The following ABR variants were observed in gnomAD, a reference collection of about 807,000 sequenced individuals.
ABR encodes the protein active breakpoint cluster region-related protein.
In ABR, 35 loss-of-function variants were observed where a neutral mutation model predicts 107.2. The ratio of observed to expected loss-of-function variants is 0.33; its 90% CI spans 0.25 to 0.43. The LOEUF (loss-of-function observed/expected upper bound fraction) is 0.43, where lower values mean the gene tolerates loss of function less well. ABR is among the 20% of genes least tolerant of loss of function. The pLI is 1.00. For missense variants in ABR, 815 were observed against 1,115.2 expected (o/e 0.73, Z 3.83); for synonymous variants, 498 against 462.0 (o/e 1.08, Z -1.00).
chr17:1,008,557 A>G (rs978061865), intron 21 of ABR, among the ~76,000 whole-genome samples: 2 of 152,224 alleles, frequency 1.3e-5, no homozygotes, highest in Non-Finnish European at 2.9e-5. Context: ...AAGGCTTGCC[A>G]AATGCTTTCG....
intron 1 of ABR, among the ~76,000 whole-genome samples, chr17:1,162,368 G>A (rs898781977): frequency 3.3e-5 from 5 of 152,202 alleles, no homozygotes; most frequent in Admixed American, 2.0e-4. Flanking sequence ...CTGGTTTCCT[G>A]GCGTGGGCCC....
At chr17:1,041,300 T>C (rs112853207) in intron 16 of ABR, among the ~76,000 whole-genome samples, 1 of 152,224 alleles carries the variant, frequency 6.6e-6, no homozygotes, top group East Asian at 1.9e-4. Flanking sequence ...ATTCAGAGGA[T>C]GTATCGTAAA....
chr17:1,178,519 G>A (rs1406733078), intron 1 of ABR, among the ~76,000 whole-genome samples: 2 of 151,036 alleles, frequency 1.3e-5, no homozygotes, highest in Non-Finnish European at 2.9e-5. Flanking sequence ...AGCGGAGATT[G>A]CGCCACTGCA....
chr17:1,169,491 G>C (rs1192598490), intron 1 of ABR, among the ~76,000 whole-genome samples: 4 of 152,202 alleles, frequency 2.6e-5, no homozygotes, highest in African/African-American at 7.2e-5. Flanking sequence ...CCAGAATCCA[G>C]AGCTACAGAA....
At position 1,078,988 on chromosome 17, in the gene ABR, C is replaced by T. The variant is rs561882539; in HGVS notation, c.700+342G>A. On this transcript the variant is annotated intron_variant, in intron 6 of 22. Transcript: ENST00000302538. This position sits in a 1 kb window ranked among gnomAD's most constrained non-coding sequence, Gnocchi z 7.5. ...GGACTCCAGCATCGGGCAGCCGCTC[C>T]GGAGTGCTCTTCCAGCAAGGGGGAG... is the stretch of plus-strand genomic sequence containing the variant. The T allele has an allele frequency of 1.1e-4, 140 of 1,308,176 alleles. No individual in the cohort carries two copies. In the South Asian group the frequency reaches 1.6e-3, roughly 15 times the overall value. 81.0% of individuals were successfully genotyped at this position (1,308,176 alleles called of 1,614,324 possible).
rs113482917 is a variant in ABR at position 1,124,036 on chromosome 17, C to T, written c.246+1147G>A. 3.9e-5 allele frequency among the ~76,000 whole-genome samples: 6 copies of T among 152,268 alleles called. 1 individual carries two copies. Among genetic ancestry groups the T allele is most frequent in the African/African-American group, 1.4e-4 (6 of 41,550 alleles). ...CCTGGACTGCCGCTAAACTCGGCCT[C>T]GGCCTCTGTTGCCATGGCAGCAATG... On this transcript the variant is annotated intron_variant, in intron 2 of 22. Transcript: ENST00000302538.
chr17:1,029,306 C>T (rs1302559033), intron 16 of ABR, among the ~76,000 whole-genome samples: 1 of 151,610 alleles, frequency 6.6e-6, no homozygotes, highest in Admixed American at 6.6e-5. Context: ...AGCCCAACCA[C>T]AGGGACCCCC....
intron 1 of ABR, among the ~76,000 whole-genome samples, chr17:1,178,239 C>A (rs1196972507): frequency 6.6e-6 from 1 of 151,958 alleles, no homozygotes; most frequent in Non-Finnish European, 1.5e-5. Flanking sequence ...CCCCACCCCC[C>A]CCATATGACT....
At chr17:1,073,599 TG>T in intron 7 of ABR, 25 bp downstream of exon 7, 2 of 1,545,338 alleles carry the variant, frequency 1.3e-6, no homozygotes, top group Non-Finnish European at 1.8e-6. Flanking sequence ...AAGCCCTCTC[TG>T]GCCATTCGGA....
chr17:1,012,437 T>C (rs1349377370), intron 18 of ABR: 2 of 687,080 alleles, frequency 2.9e-6, no homozygotes, highest in South Asian at 1.5e-5. Flanking sequence ...TTCCCGCTTG[T>C]TACGAGGAGC....
chr17:1,216,046 G>T (rs915873728), intron 1 of ABR, among the ~76,000 whole-genome samples: 186 of 150,152 alleles, frequency 1.2e-3, no homozygotes, highest in African/African-American at 2.4e-3. Flanking sequence ...GCGGAAGGCC[G>T]CAGGGTCCTC....
At chr17:1,139,806 A>G (rs2040220487) in intron 1 of ABR, among the ~76,000 whole-genome samples, 1 of 152,128 alleles carries the variant, frequency 6.6e-6, no homozygotes. Context: ...ACAAATACCA[A>G]ACACGAAGTG....
intron 10 of ABR, among the ~76,000 whole-genome samples, chr17:1,063,381 A>C (rs1487682312): frequency 1.8e-4 from 26 of 143,190 alleles, no homozygotes; most frequent in African/African-American, 6.2e-4. Flanking sequence ...ATGTTCCTCT[A>C]GACACTGCTG....
At chr17:1,109,131 G>C in intron 2 of ABR, 1 of 1,524,132 alleles carries the variant, frequency 6.6e-7, no homozygotes, top group Non-Finnish European at 8.8e-7. Context: ...GCGGGAGGAG[G>C]GAGGAGGGAG....
chr17:1,021,770 A>G (rs1205604445), intron 16 of ABR, among the ~76,000 whole-genome samples: 2 of 148,406 alleles, frequency 1.3e-5, no homozygotes, highest in African/African-American at 2.5e-5. Flanking sequence ...AGATTGTGCC[A>G]CTGCACTCCA....
At chr17:1,012,139 G>A (rs778645366) in intron 18 of ABR, 154 bp from the exon 19 acceptor site, 50 of 1,222,964 alleles carry the variant, frequency 4.1e-5, no homozygotes, top group Admixed American at 1.4e-4. Context: ...AGAGGCCACC[G>A]CACCCCACCC....
At chr17:1,156,500 G>A (rs938669091) in intron 1 of ABR, among the ~76,000 whole-genome samples, 11 of 152,126 alleles carry the variant, frequency 7.2e-5, no homozygotes, top group African/African-American at 2.4e-4. Flanking sequence ...CCTGGCCAAC[G>A]TGGTGAAAAC....
chr17:1,014,300 G>C (rs537667153), intron 16 of ABR, among the ~76,000 whole-genome samples: 1 of 137,724 alleles, frequency 7.3e-6, no homozygotes, highest in South Asian at 2.5e-4. Flanking sequence ...AATTAGCCGG[G>C]CGTGGTGGCG....
At chr17:1,089,908 C>T (rs1247710722) in intron 4 of ABR, among the ~76,000 whole-genome samples, 3 of 152,084 alleles carry the variant, frequency 2.0e-5, no homozygotes, top group Non-Finnish European at 4.4e-5. Flanking sequence ...TGCAGTGAGC[C>T]GAGATCACGC....
Sources: allele counts gnomAD v4.1 joint callset (sites outside exome capture counted in the v4.1 genomes callset), GRCh38; gene constraint gnomAD v4.1.1; non-coding constraint Gnocchi (gnomAD v3.1); transcripts MANE v1.5; gene names NCBI Gene and HGNC (gene_info 2026-07-23, HGNC 2026-07-21).